RYR3: variants seen among roughly 807,000 people sequenced by gnomAD.
RYR3 encodes the protein brain ryanodine receptor-calcium release channel.
Under a neutral mutation model 584.3 loss-of-function variants are expected in RYR3, and 207 were observed. The ratio of observed to expected loss-of-function variants is 0.35; its 90% CI spans 0.32 to 0.40. RYR3 has a LOEUF of 0.40. Among genes scored for constraint, RYR3 ranks in the 10% least tolerant of loss-of-function variants. The probability of loss-of-function intolerance (pLI) is 1.00; values close to 1 mark genes in which losing one functional copy is unlikely to be tolerated. For missense variants in RYR3, 5,616 were observed against 6,089.2 expected (o/e 0.92, Z 2.59); for synonymous variants, 2,416 against 2,248.5 (o/e 1.07, Z -2.11).
chr15:33,709,688 C>G (rs1439069070), intron 43 of RYR3, among the ~76,000 whole-genome samples: 1 of 152,192 alleles, frequency 6.6e-6, no homozygotes, highest in African/African-American at 2.4e-5. Context: ...TTAACAGATG[C>G]ACCTCCTTGA....
At chr15:33,325,725 TCTTCCTTCCTTCCTTC>T (rs67855881) in intron 1 of RYR3, among the ~76,000 whole-genome samples, 4,501 of 91,424 alleles carry the variant, frequency 0.049, 283 homozygotes, top group African/African-American at 0.14. Context: ...CCCCTCCCCC[TCTTCCTTCCTTCCTTC>T]CTTCCTTCCT....
Position 33,636,508 on chromosome 15 carries a change from A to G in RYR3, c.3514A>G (p.Lys1172Glu), listed in dbSNP as rs756457571. 6.2e-7 allele frequency: 1 copy of G among 1,611,266 alleles called. No individual in the cohort carries two copies. The highest frequency in any genetic ancestry group is 1.1e-5 in the South Asian group (1 of 90,496). The change falls in exon 27 of 104, where the codon AAA (lysine) becomes GAA (glutamate). Residue 1172 changes from lysine (K) to glutamate (E), a missense_variant. Transcript: ENST00000634891. ...GAATGGGGAGCTGCTGATCACCAACAAAGGCTCTGAACTTGCCTTCGCTGA... is the reference window on the plus strand; with the variant it reads ...GAATGGGGAGCTGCTGATCACCAACGAAGGCTCTGAACTTGCCTTCGCTGA... ...TLNGELLITN[K>E]GSELAFADYE...
At chr15:33,673,226 A>C (rs1329244144) in intron 38 of RYR3, among the ~76,000 whole-genome samples, 1 of 152,206 alleles carries the variant, frequency 6.6e-6, no homozygotes, top group Admixed American at 6.5e-5. Context: ...AGTTCACCAA[A>C]CCAAGGATCT....
At chr15:33,495,523 A>G (rs911474931) in intron 2 of RYR3, among the ~76,000 whole-genome samples, 9 of 152,234 alleles carry the variant, frequency 5.9e-5, no homozygotes, top group Non-Finnish European at 1.2e-4. Flanking sequence ...TCTTAGTGCA[A>G]TGCCTGGTAC....
chr15:33,468,443 T>C (rs1045849010), intron 1 of RYR3, among the ~76,000 whole-genome samples: 4 of 152,266 alleles, frequency 2.6e-5, no homozygotes, highest in African/African-American at 2.4e-5. Flanking sequence ...AATTAAGAAA[T>C]AGAAGCTATG....
In RYR3 at chr15:33,663,025, A is replaced by G. The variant is rs115996919; in HGVS notation, c.5418+77A>G. The G allele has an allele frequency of 8.6e-3, 11,477 of 1,335,578 alleles. 477 individuals carry two copies. In the Admixed American group the frequency reaches 0.1, roughly 12 times the overall value. The allele number at this position is 1,335,578 out of a possible 1,614,324, so 82.7% of individuals were successfully genotyped here. A position where few individuals can be genotyped will look rare whatever the true frequency, so the allele number is the denominator to read the frequency against. On this transcript the variant is annotated intron_variant, in intron 35 of 103. Coordinates refer to ENST00000634891, the MANE Select transcript of RYR3 (RefSeq NM_001036.6). ...TCAAAATATCAGGAACACACTGAGG[A>G]TTAAAGGAGGTAAGGTATGTCAAGT...
At chr15:33,519,330 G>GA (rs1567432112) in intron 3 of RYR3, among the ~76,000 whole-genome samples, 1 of 152,188 alleles carries the variant, frequency 6.6e-6, no homozygotes, top group Non-Finnish European at 1.5e-5. Context: ...GAGAAGCAGA[G>GA]AGAGTCAAAC....
intron 20 of RYR3, 119 bp from the exon 21 acceptor site, chr15:33,628,352 G>A (rs2061099229): frequency 4.5e-6 from 3 of 660,568 alleles, no homozygotes; most frequent in Non-Finnish European, 8.1e-6. Context: ...GCAGCATGAG[G>A]TCGGATACTG....
intron 80 of RYR3, among the ~76,000 whole-genome samples, chr15:33,821,923 T>G (rs2152959075): frequency 6.6e-6 from 1 of 152,338 alleles, no homozygotes; most frequent in African/African-American, 2.4e-5. Context: ...TTTAGCCCTT[T>G]ATTTTCACTA....
chr15:33,420,724 T>C (rs1042284186), intron 1 of RYR3, among the ~76,000 whole-genome samples: 5 of 152,186 alleles, frequency 3.3e-5, no homozygotes, highest in East Asian at 1.9e-4. Flanking sequence ...TGTTTATTTG[T>C]CTAGTTCTTT....
chr15:33,757,022 A>C (rs2071907478), intron 59 of RYR3, among the ~76,000 whole-genome samples: 1 of 152,120 alleles, frequency 6.6e-6, no homozygotes, highest in Admixed American at 6.5e-5. Flanking sequence ...GAAGAAGGGG[A>C]GAATGAATTT....
At chr15:33,614,262 T>C (rs1296271814) in intron 19 of RYR3, among the ~76,000 whole-genome samples, 1 of 152,206 alleles carries the variant, frequency 6.6e-6, no homozygotes, top group East Asian at 1.9e-4. Flanking sequence ...TGTGTCTGAT[T>C]ATGATGTACT....
In RYR3 at chr15:33,540,825, A is replaced by G. The variant is rs767661249; in HGVS notation, c.581A>G (p.Asp194Gly). Residue 194 changes from aspartate (D) to glycine (G), a missense_variant, in exon 7 of 104, where the codon GAT becomes GGT. Around this residue, in one of 9 missense-constraint regions of RYR3, gnomAD observed 1,284 missense variants for 1,344.6 expected, o/e 0.95. Coordinates refer to ENST00000634891, the MANE Select transcript of RYR3 (RefSeq NM_001036.6). Reference protein sequence around the residue: ...LSVSNGNIQVDASFMQTLWNV... With the variant: ...LSVSNGNIQVGASFMQTLWNV... ...GTATCAAATGGTAACATACAAGTGG[A>G]TGCCTCCTTTATGCAAACACTCTGG... 1.2e-6 allele frequency: 2 copies of G among 1,612,440 alleles called. No homozygotes were observed. Among genetic ancestry groups the G allele is most frequent in the South Asian group, 2.2e-5 (2 of 91,028 alleles).
At chr15:33,772,513 A>C (rs2073655111) in intron 63 of RYR3, among the ~76,000 whole-genome samples, 1 of 152,154 alleles carries the variant, frequency 6.6e-6, no homozygotes, top group African/African-American at 2.4e-5. Context: ...TTGAGACATC[A>C]TTTTTCTTAT....
intron 10 of RYR3, among the ~76,000 whole-genome samples, chr15:33,550,562 C>G (rs867743956): frequency 2.0e-5 from 3 of 152,258 alleles, no homozygotes; most frequent in Middle Eastern, 6.8e-3. Context: ...GTGCAAGGAG[C>G]ATAGGAATGG....
chr15:33,367,445 G>A (rs1431285206), intron 1 of RYR3, among the ~76,000 whole-genome samples: 2 of 152,200 alleles, frequency 1.3e-5, no homozygotes, highest in Non-Finnish European at 2.9e-5. Flanking sequence ...CAATGGAGAA[G>A]TCAGACTGAA....
chr15:33,372,656 C>T (rs1352972421), intron 1 of RYR3, among the ~76,000 whole-genome samples: 5 of 152,214 alleles, frequency 3.3e-5, no homozygotes, highest in South Asian at 2.1e-4. Flanking sequence ...TGAGCCACCA[C>T]GCCCGGCCCC....
intron 10 of RYR3, among the ~76,000 whole-genome samples, chr15:33,561,893 TG>T (rs2057423213): frequency 6.6e-6 from 1 of 150,458 alleles, no homozygotes; most frequent in Non-Finnish European, 1.5e-5. Context: ...AGTGAGACCC[TG>T]GGCTCAAAAA....
chr15:33,686,202 G>A (rs2064997752), intron 38 of RYR3, among the ~76,000 whole-genome samples: 1 of 152,012 alleles, frequency 6.6e-6, no homozygotes, highest in South Asian at 2.1e-4. Flanking sequence ...AGAAAAGAGA[G>A]AAGAATCAAA....
Sources: gnomAD v4.1 joint callset for allele counts (sites outside exome capture counted in the v4.1 genomes callset) on GRCh38, gnomAD v4.1.1 for gene constraint, gnomAD v4.1.1 regional missense constraint, MANE v1.5 for transcripts, NCBI Gene and HGNC (gene_info 2026-07-23, HGNC 2026-07-21) for gene names.